FMN1: variants seen among roughly 807,000 people sequenced by gnomAD.
The protein encoded by FMN1 is formin 1.
FMN1 carries 110 observed loss-of-function variants against 132.4 expected under a neutral mutation model. The observed-to-expected ratio is 0.83, with a 90% CI of 0.71 to 0.97. The LOEUF is 0.97. Among genes scored for constraint, FMN1 ranks in the 50% least tolerant of loss-of-function variants. FMN1 has a pLI of 0.00. For synonymous variants in FMN1, 722 were observed against 651.7 expected (o/e 1.11, Z -1.64); for missense variants, 1,792 against 1,705.3 (o/e 1.05, Z -0.90).
At chr15:33,041,454 G>A (rs553144210) in intron 6 of FMN1, among the ~76,000 whole-genome samples, 1 of 120,248 alleles carries the variant, frequency 8.3e-6, no homozygotes, top group Non-Finnish European at 1.7e-5. Flanking sequence ...GCTTTCTTTC[G>A]ACGTTCCTCA....
At chr15:32,900,415 T>C (rs1012430648) in intron 13 of FMN1, among the ~76,000 whole-genome samples, 1 of 152,246 alleles carries the variant, frequency 6.6e-6, no homozygotes, top group Non-Finnish European at 1.5e-5. Context: ...TAATTTTTAA[T>C]ACTTATTTTA....
At chr15:32,839,663 A>C (rs1270968230) in intron 17 of FMN1, among the ~76,000 whole-genome samples, 2 of 152,074 alleles carry the variant, frequency 1.3e-5, no homozygotes, top group African/African-American at 4.8e-5. Flanking sequence ...CAGACTGTGG[A>C]AATCAATAAT....
chr15:33,024,135 C>T (rs1461960662), intron 6 of FMN1, among the ~76,000 whole-genome samples: 1 of 147,172 alleles, frequency 6.8e-6, no homozygotes, highest in Admixed American at 6.8e-5. Flanking sequence ...GGCTAATAAA[C>T]ATATAAACAT....
chr15:32,791,172 A>G (rs923415017), intron 19 of FMN1, among the ~76,000 whole-genome samples: 6 of 151,384 alleles, frequency 4.0e-5, no homozygotes, highest in African/African-American at 1.2e-4. Flanking sequence ...GAGGCTAAAG[A>G]GTGAGTTTAG....
intron 17 of FMN1, among the ~76,000 whole-genome samples, chr15:32,856,628 T>A (rs1283618546): frequency 1.3e-5 from 2 of 152,190 alleles, no homozygotes; most frequent in Non-Finnish European, 2.9e-5. Context: ...AGGAGGGTGA[T>A]CACCATCCAC....
chr15:32,988,488 A>C (rs1038457213), intron 7 of FMN1, among the ~76,000 whole-genome samples: 1 of 152,050 alleles, frequency 6.6e-6, no homozygotes, highest in Non-Finnish European at 1.5e-5. Flanking sequence ...TCTCAGTACA[A>C]CTCACCATTA....
intron 16 of FMN1, among the ~76,000 whole-genome samples, chr15:32,871,214 A>T (rs1476955634): frequency 6.6e-6 from 1 of 152,208 alleles, no homozygotes; most frequent in Non-Finnish European, 1.5e-5. Context: ...ACATTTTTAA[A>T]ACAGCAGAAA....
intron 17 of FMN1, among the ~76,000 whole-genome samples, chr15:32,853,640 T>C (rs754002447): frequency 2.0e-5 from 3 of 152,252 alleles, no homozygotes; most frequent in Non-Finnish European, 4.4e-5. Flanking sequence ...TCCATTTGTA[T>C]ATACTGCAAT....
At chr15:32,966,076 G>C (rs775263389) in intron 8 of FMN1, among the ~76,000 whole-genome samples, 1 of 152,104 alleles carries the variant, frequency 6.6e-6, no homozygotes, top group African/African-American at 2.4e-5. Flanking sequence ...CTGGGCCTTG[G>C]GAAGGTTCTG....
chr15:32,836,005 G>A (rs1192893368), intron 17 of FMN1, among the ~76,000 whole-genome samples: 8 of 151,966 alleles, frequency 5.3e-5, no homozygotes, highest in Non-Finnish European at 8.8e-5. Context: ...GACTACAGAT[G>A]CATGCTATCA....
intron 17 of FMN1, among the ~76,000 whole-genome samples, chr15:32,806,073 A>C (rs552104571): frequency 6.6e-6 from 1 of 152,166 alleles, no homozygotes; most frequent in Admixed American, 6.5e-5. Context: ...GAAAAATAGG[A>C]AAGTTGTTAA....
chr15:33,010,120 G>A (rs2034630627), intron 6 of FMN1, among the ~76,000 whole-genome samples: 1 of 152,148 alleles, frequency 6.6e-6, no homozygotes, highest in Non-Finnish European at 1.5e-5. Context: ...CTGACCTCAG[G>A]TGATTCACCC....
chr15:32,790,053 C>T (rs1445607252), intron 19 of FMN1, among the ~76,000 whole-genome samples: 1 of 151,868 alleles, frequency 6.6e-6, no homozygotes, highest in African/African-American at 2.4e-5. Flanking sequence ...CACGATTCTA[C>T]GTGTTTAAAT....
At chr15:32,894,339 T>A (rs1223902546) in intron 15 of FMN1, among the ~76,000 whole-genome samples, 1 of 151,750 alleles carries the variant, frequency 6.6e-6, no homozygotes, top group African/African-American at 2.4e-5. Flanking sequence ...ACAAAAAAAA[T>A]TAGGTGTGGT....
chr15:32,804,513 C>CT (rs754779401), intron 17 of FMN1, among the ~76,000 whole-genome samples, 181 bp from the exon 18 acceptor site: 30,945 of 123,968 alleles, frequency 0.25, 3,790 homozygotes, highest in Middle Eastern at 0.34. Context: ...GCTACCACTG[C>CT]TTTTTTTTTT....
At chr15:33,019,253 C>G (rs1339631539) in intron 6 of FMN1, among the ~76,000 whole-genome samples, 1 of 152,184 alleles carries the variant, frequency 6.6e-6, no homozygotes, top group Non-Finnish European at 1.5e-5. Flanking sequence ...TAGCTAGATA[C>G]AGAGTGTCCA....
intron 17 of FMN1, among the ~76,000 whole-genome samples, chr15:32,829,263 G>A (rs1025468469): frequency 2.0e-4 from 30 of 152,236 alleles, no homozygotes; most frequent in African/African-American, 6.8e-4. Context: ...AACAGTTTAT[G>A]AGACCAAGCT....
chr15:33,095,615 C>T (rs573972743), intron 4 of FMN1, among the ~76,000 whole-genome samples: 1 of 152,112 alleles, frequency 6.6e-6, no homozygotes, highest in Non-Finnish European at 1.5e-5. Context: ...TCAAGTGATC[C>T]TACCACCTTG....
chr15:33,118,022 T>G (rs1468889276), intron 4 of FMN1, among the ~76,000 whole-genome samples: 1 of 152,182 alleles, frequency 6.6e-6, no homozygotes, highest in African/African-American at 2.4e-5. Flanking sequence ...AATGATATAG[T>G]GTGTTGTGAA....
Sources: allele counts gnomAD v4.1 joint callset (sites outside exome capture counted in the v4.1 genomes callset), GRCh38; gene constraint gnomAD v4.1.1; transcripts MANE v1.5; gene names NCBI Gene and HGNC (gene_info 2026-07-23, HGNC 2026-07-21).